PEPD: variants seen among roughly 807,000 people sequenced by gnomAD.
The protein encoded by PEPD is xaa-Pro dipeptidase.
In PEPD, 53 loss-of-function variants were observed where a neutral mutation model predicts 60.7. The ratio of observed to expected loss-of-function variants is 0.87; its 90% CI spans 0.70 to 1.10. PEPD has a LOEUF of 1.10. PEPD is among the 50% of genes least tolerant of loss of function. The pLI is 0.00. For synonymous variants in PEPD, 267 were observed against 284.1 expected, an observed-to-expected ratio of 0.94 and a Z score of 0.60; for missense variants, 711 against 711.9, an observed-to-expected ratio of 1.00 and a Z score of 0.01.
At chr19:33,407,103 G>A (rs1026772252) in intron 11 of PEPD, among the ~76,000 whole-genome samples, 2 of 152,204 alleles carry the variant, frequency 1.3e-5, no homozygotes, top group Non-Finnish European at 2.9e-5. Context: ...CCTGGGACAC[G>A]TGCTCTAGAA....
At chr19:33,393,188 AGGCCG>A (rs1568446543) in intron 12 of PEPD, among the ~76,000 whole-genome samples, 19 of 145,862 alleles carry the variant, frequency 1.3e-4, no homozygotes, top group African/African-American at 4.6e-4. Context: ...GGCGTGGGGG[AGGCCG>A]TCCCGGGGTC....
chr19:33,403,106 G>C (rs1968540092), intron 11 of PEPD, among the ~76,000 whole-genome samples: 1 of 152,202 alleles, frequency 6.6e-6, no homozygotes, highest in African/African-American at 2.4e-5. Context: ...AAGCAGCCCA[G>C]GTGGACAAGG....
chr19:33,392,074 G>A (rs1208130840), intron 12 of PEPD, among the ~76,000 whole-genome samples: 2 of 152,356 alleles, frequency 1.3e-5, no homozygotes, highest in African/African-American at 4.8e-5. Context: ...GAGAAGGTGC[G>A]GCTGGCACGG....
intron 8 of PEPD, among the ~76,000 whole-genome samples, chr19:33,463,507 C>T (rs1269163149): frequency 6.6e-6 from 1 of 152,196 alleles, no homozygotes; most frequent in Non-Finnish European, 1.5e-5. Flanking sequence ...CCTGAGCAGA[C>T]GGTGGGCCAT....
chr19:33,509,933 G>T (rs958076556), intron 3 of PEPD, among the ~76,000 whole-genome samples: 1 of 152,206 alleles, frequency 6.6e-6, no homozygotes, highest in African/African-American at 2.4e-5. Context: ...CAGGTGAGCC[G>T]GGAGGGCAGG....
At chr19:33,409,588 T>A (rs1421306669) in intron 11 of PEPD, among the ~76,000 whole-genome samples, 1 of 152,120 alleles carries the variant, frequency 6.6e-6, no homozygotes, top group Admixed American at 6.5e-5. Context: ...GGTGGGAGGA[T>A]CTCTTAAGCC....
intron 3 of PEPD, among the ~76,000 whole-genome samples, chr19:33,508,635 C>T (rs780282948): frequency 2.0e-5 from 3 of 152,162 alleles, no homozygotes; most frequent in Admixed American, 1.3e-4. Flanking sequence ...GGGGAGTCTG[C>T]GCTTCCTCAT....
chr19:33,507,571 A>G (rs1970837491), intron 3 of PEPD, among the ~76,000 whole-genome samples: 1 of 152,242 alleles, frequency 6.6e-6, no homozygotes, highest in Admixed American at 6.5e-5. Flanking sequence ...GGATTGCAGT[A>G]TCTGCCAGAT....
Position 33,387,044 on chromosome 19 carries a change from A to G in PEPD, c.*300T>C. ...ATGCTTCTTTCCTGGGAAAAGGAAT[A>G]TAAATGACAGCAAGACACATTTTAG... On this transcript the variant is annotated 3_prime_UTR_variant, in exon 15 of 15. Transcript: ENST00000244137. 2.3e-6 allele frequency: 1 copy of G among 431,582 alleles called. No homozygotes were observed. The highest frequency in any genetic ancestry group is 4.2e-6 in the Non-Finnish European group (1 of 239,566). The allele number at this position is 431,582 out of a possible 1,614,324, so 26.7% of individuals were successfully genotyped here.
At chr19:33,496,904 G>A (rs772728117) in intron 4 of PEPD, among the ~76,000 whole-genome samples, 11 of 152,208 alleles carry the variant, frequency 7.2e-5, no homozygotes, top group Admixed American at 5.2e-4. Context: ...GCCGCTTTTC[G>A]CAGGGTGATA....
At chr19:33,387,607 G>A in intron 14 of PEPD, 126 bp from the exon 15 acceptor site, 1 of 1,246,742 alleles carries the variant, frequency 8.0e-7, no homozygotes, top group Non-Finnish European at 1.2e-6. Flanking sequence ...GGAGACGGGT[G>A]GCCTCCGGGC....
intron 8 of PEPD, 44 bp from the exon 9 acceptor site, chr19:33,463,085 C>T (rs1231468161): frequency 2.6e-6 from 3 of 1,146,636 alleles, no homozygotes; most frequent in Admixed American, 3.4e-5. Context: ...TTAAGCAGAT[C>T]AGTAACACAG....
At chr19:33,494,330 T>C (rs1010908383) in intron 4 of PEPD, among the ~76,000 whole-genome samples, 1 of 152,218 alleles carries the variant, frequency 6.6e-6, no homozygotes, top group African/African-American at 2.4e-5. Context: ...AACAGCTTGA[T>C]TGAGTGATCA....
intron 9 of PEPD, among the ~76,000 whole-genome samples, chr19:33,437,390 C>G (rs1969397133): frequency 6.6e-6 from 1 of 151,604 alleles, no homozygotes; most frequent in Non-Finnish European, 1.5e-5. Flanking sequence ...TAAAGAAATG[C>G]CAATTTTCAA....
intron 6 of PEPD, among the ~76,000 whole-genome samples, chr19:33,485,733 G>A (rs74508240): frequency 0.011 from 1,672 of 152,120 alleles, 26 homozygotes; most frequent in South Asian, 0.07. Flanking sequence ...GAATCAATTC[G>A]TTACCAATTG....
chr19:33,402,671 C>T (rs890519328), intron 11 of PEPD, among the ~76,000 whole-genome samples: 1 of 152,196 alleles, frequency 6.6e-6, no homozygotes, highest in African/African-American at 2.4e-5. Flanking sequence ...CCAGGTGGGC[C>T]CCCTCACCCT....
chr19:33,391,403 G>T lies in PEPD; in HGVS notation c.1044C>A (p.Ser348Arg), dbSNP rs577733369. 2 of 1,584,190 alleles carry T rather than the reference G, an allele frequency of 1.3e-6. No homozygotes were observed. The change falls in exon 13 of 15, where the codon AGC becomes AGA. Residue 348 changes from serine (S) to arginine (R), a missense_variant. Coordinates refer to ENST00000244137, the MANE Select transcript of PEPD (RefSeq NM_000285.4). ...LEELAHMGILSGSVDAMVQAH... is the reference protein window; with the variant it reads ...LEELAHMGILRGSVDAMVQAH... ...CCTGGACCATGGCGTCCACGCTGCC[G>T]CTCAGGATGCCCATGTGGGCCAGCT...
chr19:33,471,088 T>C (rs1341953269), intron 7 of PEPD, among the ~76,000 whole-genome samples: 3 of 152,172 alleles, frequency 2.0e-5, no homozygotes, highest in Admixed American at 2.0e-4. Context: ...CCCAGGGACC[T>C]ACTTGCTTTT....
rs1294645980 is a variant in PEPD, at chr19:33,400,880, G to A, written c.967+841C>T. Among the ~76,000 whole-genome samples, 3 of 152,228 alleles carry A rather than the reference G, an allele frequency of 2.0e-5. No homozygotes were observed. The East Asian group carries it at 5.8e-4, about 29-fold the overall frequency. On this transcript the variant is annotated intron_variant, in intron 12 of 14. Transcript: ENST00000244137. ...ACTCCACCCCTGCCAGGGCTATGGA[G>A]GACCCAGGGGTCACTCGGCAGGAGG...
Sources: gnomAD v4.1 joint callset for allele counts (sites outside exome capture counted in the v4.1 genomes callset) on GRCh38, gnomAD v4.1.1 for gene constraint, MANE v1.5 for transcripts, NCBI Gene and HGNC (gene_info 2026-07-23, HGNC 2026-07-21) for gene names.